The following PCDH9 variants were observed in gnomAD, a reference collection of about 807,000 sequenced individuals.
PCDH9 encodes the protein protocadherin-9.
A neutral mutation model predicts 70.6 loss-of-function variants in PCDH9; 24 were observed. The observed-to-expected ratio is 0.34, with a 90% CI of 0.25 to 0.48. PCDH9 has a LOEUF of 0.48. Ranked by LOEUF, PCDH9 falls within the 20% of genes least tolerant of loss-of-function variation. PCDH9 has a pLI of 0.99. For missense variants in PCDH9, 1,281 were observed against 1,503.6 expected, an observed-to-expected ratio of 0.85 and a Z score of 2.45; for synonymous variants, 562 against 558.5, an observed-to-expected ratio of 1.01 and a Z score of -0.09.
At chr13:66,343,414 C>T (rs756213203) in intron 4 of PCDH9, among the ~76,000 whole-genome samples, 8 of 152,272 alleles carry the variant, frequency 5.3e-5, no homozygotes, top group South Asian at 2.1e-4. Flanking sequence ...TTCAAACTGT[C>T]GTCCGACTTT....
At chr13:66,608,325 A>G (rs2077247793) in intron 4 of PCDH9, among the ~76,000 whole-genome samples, 1 of 152,134 alleles carries the variant, frequency 6.6e-6, no homozygotes, top group South Asian at 2.1e-4. Flanking sequence ...TAGAATAAAC[A>G]TTCTAAAGTC....
At chr13:66,946,941 C>G (rs1295930516) in intron 2 of PCDH9, among the ~76,000 whole-genome samples, 2 of 152,038 alleles carry the variant, frequency 1.3e-5, no homozygotes, top group Admixed American at 1.3e-4. Context: ...TCTTCCTTAA[C>G]AAAAATGGGC....
chr13:67,067,397 T>G (rs971249529), intron 2 of PCDH9, among the ~76,000 whole-genome samples: 1 of 152,108 alleles, frequency 6.6e-6, no homozygotes, highest in Non-Finnish European at 1.5e-5. Flanking sequence ...ATATAACATA[T>G]TATGAATGAG....
At chr13:67,006,818 TAA>T (rs1424212852) in intron 2 of PCDH9, among the ~76,000 whole-genome samples, 6 of 152,172 alleles carry the variant, frequency 3.9e-5, no homozygotes, top group Non-Finnish European at 7.4e-5. Context: ...CAATAAGATA[TAA>T]GTGACTTATT....
chr13:66,499,597 C>T (rs1193589545), intron 4 of PCDH9, among the ~76,000 whole-genome samples: 1 of 152,086 alleles, frequency 6.6e-6, no homozygotes, highest in Non-Finnish European at 1.5e-5. Context: ...GGTGGTGGCT[C>T]AGAATAGTTA....
At chr13:66,639,160 TC>T (rs2077677546) in intron 3 of PCDH9, among the ~76,000 whole-genome samples, 1 of 152,222 alleles carries the variant, frequency 6.6e-6, no homozygotes, top group Non-Finnish European at 1.5e-5. Context: ...TTGTCTGCAC[TC>T]TACTTACTGC....
chr13:66,897,169 G>C (rs375871490), intron 3 of PCDH9, among the ~76,000 whole-genome samples: 1 of 151,790 alleles, frequency 6.6e-6, no homozygotes, highest in African/African-American at 2.4e-5. Context: ...CATGCATAAC[G>C]TTGCCTCTGG....
chr13:66,529,911 A>C (rs570073448), intron 4 of PCDH9, among the ~76,000 whole-genome samples: 1 of 152,126 alleles, frequency 6.6e-6, no homozygotes, highest in Non-Finnish European at 1.5e-5. Context: ...TGTTGCAGAA[A>C]AAAAAATATT....
chr13:66,491,491 A>G (rs1359826256), intron 4 of PCDH9, among the ~76,000 whole-genome samples: 6 of 151,768 alleles, frequency 4.0e-5, no homozygotes, highest in African/African-American at 7.3e-5. Context: ...AGGAATGTAA[A>G]TATCCCATAT....
chr13:66,424,277 A>C (rs774069257), intron 4 of PCDH9, among the ~76,000 whole-genome samples: 11 of 152,186 alleles, frequency 7.2e-5, no homozygotes, highest in Non-Finnish European at 1.0e-4. Flanking sequence ...ATTCAATGCT[A>C]TTCTCATCAA....
At chr13:66,585,096 C>T (rs2076945046) in intron 4 of PCDH9, among the ~76,000 whole-genome samples, 1 of 151,862 alleles carries the variant, frequency 6.6e-6, no homozygotes, top group South Asian at 2.1e-4. Flanking sequence ...TCAGAGAGTG[C>T]ACCAAGAACT....
At chr13:66,884,213 G>A (rs2081970152) in intron 3 of PCDH9, among the ~76,000 whole-genome samples, 1 of 151,984 alleles carries the variant, frequency 6.6e-6, no homozygotes, top group African/African-American at 2.4e-5. Context: ...AAGCGTTCTT[G>A]CTTTTAATTT....
intron 3 of PCDH9, among the ~76,000 whole-genome samples, chr13:66,764,111 T>C (rs2079672702): frequency 6.6e-6 from 1 of 152,018 alleles, no homozygotes; most frequent in South Asian, 2.1e-4. Context: ...TTTAATCTCT[T>C]CAAAAGTTAA....
intron 4 of PCDH9, among the ~76,000 whole-genome samples, chr13:66,628,064 T>C (rs1025486921): frequency 6.6e-6 from 1 of 152,200 alleles, no homozygotes; most frequent in Non-Finnish European, 1.5e-5. Flanking sequence ...CTTTCTTAAG[T>C]GTGGGCTTAG....
intron 2 of PCDH9, among the ~76,000 whole-genome samples, chr13:67,136,607 C>T (rs1366832898): frequency 2.0e-5 from 3 of 152,102 alleles, no homozygotes; most frequent in Admixed American, 2.0e-4. Context: ...GCTAGCTAAA[C>T]TCTATATAAA....
intron 3 of PCDH9, among the ~76,000 whole-genome samples, chr13:66,821,909 A>G (rs971681429): frequency 3.9e-5 from 6 of 152,224 alleles, no homozygotes; most frequent in African/African-American, 7.2e-5. Context: ...GAGTTTCTCA[A>G]TGTGATTTTT....
chr13:66,520,842 G>T (rs1959958885), intron 4 of PCDH9, among the ~76,000 whole-genome samples: 1 of 152,118 alleles, frequency 6.6e-6, no homozygotes, highest in Admixed American at 6.6e-5. Context: ...GGAAACCCTT[G>T]TCTTCCAGGA....
At chr13:67,153,350 T>G (rs974325053) in intron 2 of PCDH9, among the ~76,000 whole-genome samples, 1 of 152,040 alleles carries the variant, frequency 6.6e-6, no homozygotes, top group Non-Finnish European at 1.5e-5. Flanking sequence ...TATTTTTTTT[T>G]GCAGATATGG....
intron 2 of PCDH9, among the ~76,000 whole-genome samples, chr13:67,079,533 T>A (rs889718633): frequency 2.6e-5 from 4 of 152,182 alleles, no homozygotes; most frequent in African/African-American, 4.8e-5. Flanking sequence ...TAACATGGCA[T>A]ATAGCAGATG....
Sources: gnomAD v4.1 joint callset for allele counts (sites outside exome capture counted in the v4.1 genomes callset) on GRCh38, gnomAD v4.1.1 for gene constraint, MANE v1.5 for transcripts, NCBI Gene and HGNC (gene_info 2026-07-23, HGNC 2026-07-21) for gene names.